SGCZ: variants seen among roughly 807,000 people sequenced by gnomAD.
SGCZ encodes the protein zeta-sarcoglycan.
A neutral mutation model predicts 41.3 loss-of-function variants in SGCZ; 40 were observed. That is an observed-to-expected ratio of 0.97 (90% CI 0.75 to 1.26). SGCZ has a LOEUF of 1.26. SGCZ is among the 50% of genes most tolerant of loss of function. The pLI is 0.00. For missense variants in SGCZ, 552 were observed against 369.8 expected (o/e 1.49, Z -4.04); for synonymous variants, 206 against 137.5 (o/e 1.50, Z -3.49).
chr8:14,218,032 G>T (rs368324383), intron 4 of SGCZ, among the ~76,000 whole-genome samples: 1 of 151,960 alleles, frequency 6.6e-6, no homozygotes, highest in Non-Finnish European at 1.5e-5. Flanking sequence ...TTACCAAAGG[G>T]TAAAATATTG....
intron 2 of SGCZ, among the ~76,000 whole-genome samples, chr8:14,494,597 GTTTGA>G (rs1312279653): frequency 3.3e-5 from 5 of 152,044 alleles, no homozygotes; most frequent in Admixed American, 6.6e-5. Flanking sequence ...ATGAGAAGTT[GTTTGA>G]TTTTGTATTT....
At chr8:14,578,098 T>A (rs1804771825) in intron 1 of SGCZ, among the ~76,000 whole-genome samples, 1 of 152,168 alleles carries the variant, frequency 6.6e-6, no homozygotes, top group South Asian at 2.1e-4. Context: ...TGAGGCCTAT[T>A]TTATCAAAGT....
At chr8:14,711,859 G>C (rs1419736177) in intron 1 of SGCZ, among the ~76,000 whole-genome samples, 1 of 152,120 alleles carries the variant, frequency 6.6e-6, no homozygotes, top group African/African-American at 2.4e-5. Flanking sequence ...TGCTTGTTTG[G>C]TTTTTCGCTT....
At chr8:14,276,090 A>AG (rs1407367447) in intron 3 of SGCZ, among the ~76,000 whole-genome samples, 2 of 152,190 alleles carry the variant, frequency 1.3e-5, no homozygotes, top group Admixed American at 6.5e-5. Context: ...GGGGGAGAGC[A>AG]GGGGACACAT....
intron 1 of SGCZ, among the ~76,000 whole-genome samples, chr8:15,024,230 T>C (rs1279115327): frequency 2.0e-5 from 3 of 152,204 alleles, no homozygotes; most frequent in Non-Finnish European, 4.4e-5. Flanking sequence ...TTCATGGTGC[T>C]TTTGATGTTG....
chr8:15,236,605 C>A (rs915082658), intron 1 of SGCZ, among the ~76,000 whole-genome samples: 2 of 151,984 alleles, frequency 1.3e-5, no homozygotes, highest in African/African-American at 2.4e-5. Flanking sequence ...TTACGGTGAG[C>A]GGGACATTTA....
intron 1 of SGCZ, among the ~76,000 whole-genome samples, chr8:15,049,241 C>T (rs140559831): frequency 2.0e-5 from 3 of 152,220 alleles, no homozygotes; most frequent in Non-Finnish European, 2.9e-5. Context: ...TTAACAGTTA[C>T]GCAAACGGCA....
At chr8:14,424,518 A>G (rs1048600848) in intron 2 of SGCZ, among the ~76,000 whole-genome samples, 1 of 152,100 alleles carries the variant, frequency 6.6e-6, no homozygotes, top group Non-Finnish European at 1.5e-5. Flanking sequence ...ATACACAAAT[A>G]TGTGTGTGTG....
intron 1 of SGCZ, among the ~76,000 whole-genome samples, chr8:15,155,192 G>A (rs1799294143): frequency 6.6e-6 from 1 of 152,126 alleles, no homozygotes; most frequent in Non-Finnish European, 1.5e-5. Context: ...CTACTTGGGA[G>A]GCTGAGGTGG....
chr8:14,547,967 G>C (rs1411403472), intron 2 of SGCZ, among the ~76,000 whole-genome samples: 2 of 152,178 alleles, frequency 1.3e-5, no homozygotes, highest in East Asian at 1.9e-4. Flanking sequence ...AACAGAAAGA[G>C]TAAATTTCAT....
chr8:15,233,582 G>A (rs1012387650), intron 1 of SGCZ, among the ~76,000 whole-genome samples: 5 of 151,890 alleles, frequency 3.3e-5, no homozygotes, highest in African/African-American at 9.7e-5. Context: ...CAAGATTCAA[G>A]TTCTTGGTAG....
intron 3 of SGCZ, among the ~76,000 whole-genome samples, chr8:14,303,769 A>G (rs1278767056): frequency 6.6e-6 from 1 of 152,020 alleles, no homozygotes; most frequent in Non-Finnish European, 1.5e-5. Flanking sequence ...CTACATACAT[A>G]TGTATATTGA....
At chr8:14,110,580 A>T (rs1244241746) in intron 5 of SGCZ, among the ~76,000 whole-genome samples, 1 of 152,180 alleles carries the variant, frequency 6.6e-6, no homozygotes. Context: ...TTTAAACTAA[A>T]TAATACGAGT....
intron 2 of SGCZ, among the ~76,000 whole-genome samples, chr8:14,388,103 T>G (rs1370846258): frequency 6.6e-6 from 1 of 152,004 alleles, no homozygotes; most frequent in Admixed American, 6.6e-5. Flanking sequence ...AATGGTAAAT[T>G]TGAAGTGAAA....
chr8:15,127,232 GCACACA>G (rs892939125), intron 1 of SGCZ, among the ~76,000 whole-genome samples: 2 of 69,672 alleles, frequency 2.9e-5, no homozygotes, highest in African/African-American at 7.4e-5. Flanking sequence ...ACATCTATAG[GCACACA>G]CACACACACA....
At chr8:15,078,147 C>CT (rs34411963) in intron 1 of SGCZ, among the ~76,000 whole-genome samples, 1,411 of 44,814 alleles carry the variant, frequency 0.031, 321 homozygotes, top group Non-Finnish European at 0.046. Context: ...AGGAACTCTT[C>CT]TTTTTTTTTT....
At chr8:14,974,386 C>G (rs547158912) in intron 1 of SGCZ, among the ~76,000 whole-genome samples, 35 of 152,268 alleles carry the variant, frequency 2.3e-4, no homozygotes, top group African/African-American at 7.9e-4. Flanking sequence ...GAACATACAA[C>G]TGGGAACTTG....
intron 7 of SGCZ, among the ~76,000 whole-genome samples, chr8:14,095,962 A>C (rs983707797): frequency 1.3e-5 from 2 of 152,272 alleles, no homozygotes; most frequent in Admixed American, 6.5e-5. Context: ...TTGTAACCTG[A>C]GACTTTGCTG....
intron 1 of SGCZ, among the ~76,000 whole-genome samples, chr8:15,197,929 C>T (rs1257901924): frequency 2.7e-5 from 4 of 150,318 alleles, no homozygotes; most frequent in African/African-American, 7.3e-5. Context: ...TACACATACA[C>T]CCATATAAAC....
Sources: allele counts gnomAD v4.1 joint callset (sites outside exome capture counted in the v4.1 genomes callset), GRCh38; gene constraint gnomAD v4.1.1; transcripts MANE v1.5; gene names NCBI Gene and HGNC (gene_info 2026-07-23, HGNC 2026-07-21).